BICD2: variants seen among roughly 807,000 people sequenced by gnomAD.
The protein encoded by BICD2 is protein bicaudal D homolog 2.
Under a neutral mutation model 72.9 loss-of-function variants are expected in BICD2, and 25 were observed. The observed-to-expected ratio is 0.34, with a 90% CI of 0.25 to 0.48. The LOEUF (loss-of-function observed/expected upper bound fraction) is 0.48. Ranked by LOEUF, BICD2 falls within the 20% of genes least tolerant of loss-of-function variation. The probability of loss-of-function intolerance (pLI) is 0.99; values close to 1 mark genes in which losing one functional copy is unlikely to be tolerated. For missense variants in BICD2, 894 were observed against 1,175.2 expected (o/e 0.76, Z 3.50); for synonymous variants, 501 against 516.1 (o/e 0.97, Z 0.40).
intron 1 of BICD2, among the ~76,000 whole-genome samples, chr9:92,763,285 C>G (rs943558756): frequency 3.9e-5 from 6 of 152,162 alleles, no homozygotes; most frequent in Non-Finnish European, 7.4e-5. Context: ...ATTTAGGCAC[C>G]TGTCTGGGCT....
At chr9:92,753,700 G>A (rs747228591) in intron 1 of BICD2, among the ~76,000 whole-genome samples, 9 of 151,556 alleles carry the variant, frequency 5.9e-5, no homozygotes, top group South Asian at 2.1e-4. Flanking sequence ...CACCAAGGCC[G>A]GCTAATTTTT....
chr9:92,716,161 A>G (rs1853308345), intron 6 of BICD2, among the ~76,000 whole-genome samples: 1 of 152,078 alleles, frequency 6.6e-6, no homozygotes, highest in African/African-American at 2.4e-5. Context: ...CACTGAGCAC[A>G]GCCCCACCCT....
chr9:92,725,290 A>T (rs1853545685), intron 2 of BICD2, among the ~76,000 whole-genome samples: 1 of 152,220 alleles, frequency 6.6e-6, no homozygotes, highest in Non-Finnish European at 1.5e-5. Context: ...CAGAACACAG[A>T]GGCACACCCA....
At chr9:92,723,684 G>A (rs959124579) in intron 2 of BICD2, among the ~76,000 whole-genome samples, 10 of 152,214 alleles carry the variant, frequency 6.6e-5, no homozygotes, top group Non-Finnish European at 1.0e-4. Context: ...TTATGTGGGT[G>A]AACTATATGA....
chr9:92,736,122 T>C (rs1473827929), intron 1 of BICD2, among the ~76,000 whole-genome samples: 4 of 152,230 alleles, frequency 2.6e-5, no homozygotes, highest in South Asian at 2.1e-4. Context: ...CAGGATGTGA[T>C]AGGAGGTTGG....
At position 92,764,324 on chromosome 9, in the gene BICD2, C is replaced by T. The variant is rs1343952413; in HGVS notation, c.240+181G>A. Among the ~76,000 whole-genome samples the T allele has an allele frequency of 3.3e-5, 5 of 152,164 alleles. No homozygotes were observed. The highest frequency in any genetic ancestry group is 7.4e-5 in the Non-Finnish European group (5 of 68,012). ...TTAGCGGCGTCTGCAACGGCCGCGG[C>T]ACCGGCCTGCTAGCCAAGGCCGGGC... is the stretch of plus-strand genomic sequence containing the variant. On this transcript the variant is annotated intron_variant, in intron 1 of 6. Coordinates refer to ENST00000356884, the MANE Select transcript of BICD2 (RefSeq NM_001003800.2). The surrounding 1 kb of genome is among the most constrained non-coding windows in gnomAD (Gnocchi z 5.5).
chr9:92,729,381 G>C, intron 1 of BICD2, 145 bp from the exon 2 acceptor site: 1 of 838,530 alleles, frequency 1.2e-6, no homozygotes, highest in South Asian at 1.7e-5. Context: ...CCCTGACCTG[G>C]GAGGTGCATC....
intron 1 of BICD2, among the ~76,000 whole-genome samples, chr9:92,729,974 G>A (rs1225166712): frequency 1.4e-4 from 22 of 152,224 alleles, no homozygotes; most frequent in Non-Finnish European, 2.8e-4. Flanking sequence ...CCACGCACCT[G>A]AGAGTCGACA....
At chr9:92,743,739 A>C (rs1449557229) in intron 1 of BICD2, among the ~76,000 whole-genome samples, 3 of 152,174 alleles carry the variant, frequency 2.0e-5, no homozygotes, top group African/African-American at 4.8e-5. Flanking sequence ...CTGGGTCAGA[A>C]CTACTGCCTG....
At chr9:92,748,083 C>A (rs985333551) in intron 1 of BICD2, among the ~76,000 whole-genome samples, 2 of 152,126 alleles carry the variant, frequency 1.3e-5, no homozygotes, top group Admixed American at 6.5e-5. Flanking sequence ...ACAGGGTGGG[C>A]AGGCATTGCA....
At chr9:92,734,999 C>A (rs1174950633) in intron 1 of BICD2, among the ~76,000 whole-genome samples, 2 of 152,196 alleles carry the variant, frequency 1.3e-5, no homozygotes, top group African/African-American at 2.4e-5. Flanking sequence ...GGAAGCAGCA[C>A]CTTGGTGATA....
chr9:92,764,589 C>G lies in BICD2; in HGVS notation c.156G>C (p.Glu52Asp). The G allele has an allele frequency of 6.3e-7, 1 of 1,577,510 alleles. No individual in the cohort carries two copies. The highest frequency in any genetic ancestry group is 8.6e-7 in the Non-Finnish European group (1 of 1,162,788). ...ACTGCAGCTTGAGCTGGTGCTTCTC[C>G]TCGAGCACCGCCAGCCCGTACTCGG... The part of the protein sequence containing the change: ...QAAEYGLAVL[E>D]EKHQLKLQFE... Residue 52 changes from glutamate (E) to aspartate (D), a missense_variant, in exon 1 of 7, where the codon GAG (glutamate) becomes GAC (aspartate). Around this residue, in one of 5 missense-constraint regions of BICD2, gnomAD observed 192 missense variants for 243.6 expected, o/e 0.79. Transcript: ENST00000356884. The surrounding 1 kb of genome is among the most constrained non-coding windows in gnomAD (Gnocchi z 5.5).
At chr9:92,739,331 C>T (rs1486035508) in intron 1 of BICD2, among the ~76,000 whole-genome samples, 2 of 152,184 alleles carry the variant, frequency 1.3e-5, no homozygotes, top group Non-Finnish European at 2.9e-5. Flanking sequence ...ACTATCAGGC[C>T]TCCCAAGACC....
chr9:92,737,306 C>T (rs1372621568), intron 1 of BICD2, among the ~76,000 whole-genome samples: 3 of 152,206 alleles, frequency 2.0e-5, no homozygotes, highest in Non-Finnish European at 4.4e-5. Context: ...CACCCCCTGA[C>T]GATAGGAGCT....
intron 2 of BICD2, among the ~76,000 whole-genome samples, chr9:92,726,567 G>A (rs1236031533): frequency 1.3e-5 from 2 of 152,080 alleles, no homozygotes; most frequent in Admixed American, 6.6e-5. Flanking sequence ...TGCATGACTG[G>A]GACTGGTGGT....
chr9:92,715,552 A>G (rs536320723), intron 6 of BICD2, 89 bp from the exon 7 acceptor site: 677 of 1,297,076 alleles, frequency 5.2e-4, no homozygotes, highest in Non-Finnish European at 6.6e-4. Flanking sequence ...CGGCCCTCTG[A>G]CAGCCCTATA....
In BICD2 at chr9:92,714,716, C is replaced by T. The variant is rs1853266110; in HGVS notation, c.*438G>A. The T allele has an allele frequency of 1.5e-5, 15 of 994,164 alleles. No homozygotes were observed. In the South Asian group the frequency reaches 5.6e-4, roughly 37 times the overall value. The allele number at this position is 994,164 out of a possible 1,614,324, so 61.6% of individuals were successfully genotyped here. A position where few individuals can be genotyped will look rare whatever the true frequency, so the allele number is the denominator to read the frequency against. On this transcript the variant is annotated 3_prime_UTR_variant, in exon 7 of 7. Transcript: ENST00000356884. The stretch of plus-strand genomic sequence containing the variant: ...GTCGTACCTATGCTGCAGGCTGGAA[C>T]CTCCTAAAACTGCTTTCTAGTGCTG...
chr9:92,734,571 G>A (rs1437818840), intron 1 of BICD2, among the ~76,000 whole-genome samples: 1 of 149,612 alleles, frequency 6.7e-6, no homozygotes, highest in Non-Finnish European at 1.5e-5. Context: ...CCCAACCCAG[G>A]ACAGCTGGAG....
chr9:92,729,695 G>A (rs772137587), intron 1 of BICD2, among the ~76,000 whole-genome samples: 3 of 152,216 alleles, frequency 2.0e-5, no homozygotes, highest in Non-Finnish European at 4.4e-5. Flanking sequence ...ACTCCTTCTG[G>A]GAGAGACCTG....
Sources: allele counts gnomAD v4.1 joint callset (sites outside exome capture counted in the v4.1 genomes callset), GRCh38; gene constraint gnomAD v4.1.1; regional missense constraint gnomAD v4.1.1; non-coding constraint Gnocchi (gnomAD v3.1); transcripts MANE v1.5; gene names NCBI Gene and HGNC (gene_info 2026-07-23, HGNC 2026-07-21).